The following ADGRL2 variants were observed in gnomAD, a reference collection of about 807,000 sequenced individuals.
ADGRL2 encodes the protein calcium-independent alpha-latrotoxin receptor 2.
A neutral mutation model predicts 157.4 loss-of-function variants in ADGRL2; 44 were observed. That is an observed-to-expected ratio of 0.28 (90% CI 0.22 to 0.36). ADGRL2 has a LOEUF of 0.36. ADGRL2 is among the 10% of genes least tolerant of loss of function. ADGRL2 has a pLI of 1.00. For missense variants in ADGRL2, 1,510 were observed against 1,768.9 expected (o/e 0.85, Z 2.63); for synonymous variants, 585 against 624.7 (o/e 0.94, Z 0.95).
chr1:81,640,810 C>T (rs188529653), intron 3 of ADGRL2, among the ~76,000 whole-genome samples: 35 of 152,200 alleles, frequency 2.3e-4, no homozygotes, highest in African/African-American at 8.2e-4. Flanking sequence ...AAATCAGGAA[C>T]TAGAGAGCAC....
intron 1 of ADGRL2, among the ~76,000 whole-genome samples, chr1:81,360,890 C>A (rs1329190217): frequency 6.6e-6 from 1 of 151,912 alleles, no homozygotes; most frequent in African/African-American, 2.4e-5. Context: ...ATTCCAAATA[C>A]ATTTTAATGC....
At chr1:81,640,456 A>G (rs1231705579) in intron 3 of ADGRL2, among the ~76,000 whole-genome samples, 1 of 151,826 alleles carries the variant, frequency 6.6e-6, no homozygotes, top group African/African-American at 2.4e-5. Context: ...AACATGGTGA[A>G]ACCTCCCCCT....
rs149154724 is a variant in ADGRL2, at chr1:81,655,310, T to A, written c.-143+74330T>A. ...CCACCGTGCCCGGCCTCATTCTGTA[T>A]TTTTAATATTACTACTAACACCCCC... is the stretch of plus-strand genomic sequence containing the variant. On this transcript the variant is annotated intron_variant, in intron 3 of 24. Coordinates refer to the ADGRL2 transcript ENST00000370721. 9.8e-3 allele frequency among the ~76,000 whole-genome samples: 1,497 copies of A among 152,306 alleles called. 27 individuals are homozygous for A. Among genetic ancestry groups the A allele is most frequent in the African/African-American group, 0.032 (1,350 of 41,560 alleles).
chr1:81,448,986 A>G (rs1020974261), intron 2 of ADGRL2, among the ~76,000 whole-genome samples: 1 of 152,240 alleles, frequency 6.6e-6, no homozygotes, highest in Non-Finnish European at 1.5e-5. Context: ...ACAAAAATAG[A>G]TATTAGTACC....
chr1:81,890,583 G>C (rs1432332174), intron 2 of ADGRL2, among the ~76,000 whole-genome samples: 3 of 152,058 alleles, frequency 2.0e-5, no homozygotes, highest in African/African-American at 7.2e-5. Context: ...TGGGAGAGGT[G>C]GGGATTAGGA....
rs1039246676 is a variant in ADGRL2, at chr1:81,621,095, G to A, written c.-143+40115G>A. On this transcript the variant is annotated intron_variant, in intron 3 of 24. Transcript: ENST00000370721. ...ATATATGTGGCTGTGTCCTTTTGTA[G>A]GTTTTTCTGACTTCTGGAAGCTGAA... Among the ~76,000 whole-genome samples the A allele has an allele frequency of 3.3e-5, 5 of 152,234 alleles. No individual in the cohort carries two copies. The East Asian group carries it at 9.6e-4, about 29-fold the overall frequency.
intron 1 of ADGRL2, among the ~76,000 whole-genome samples, chr1:81,391,291 G>C (rs954886019): frequency 6.6e-6 from 1 of 152,292 alleles, no homozygotes; most frequent in Non-Finnish European, 1.5e-5. Flanking sequence ...AGAGACTGCC[G>C]TGCTAACATC....
At chr1:81,978,083 A>T (rs1480122082) in intron 17 of ADGRL2, among the ~76,000 whole-genome samples, 1 of 151,638 alleles carries the variant, frequency 6.6e-6, no homozygotes, top group Admixed American at 6.6e-5. Flanking sequence ...AAATTAAAAA[A>T]AAAACACACT....
At chr1:81,809,617 C>T (rs2089604521) in intron 1 of ADGRL2, among the ~76,000 whole-genome samples, 1 of 151,912 alleles carries the variant, frequency 6.6e-6, no homozygotes, top group African/African-American at 2.4e-5. Context: ...AAGAAGGATG[C>T]ACCATGAGGT....
At chr1:81,461,657 C>T (rs1035565701) in intron 2 of ADGRL2, among the ~76,000 whole-genome samples, 7 of 152,168 alleles carry the variant, frequency 4.6e-5, no homozygotes, top group African/African-American at 7.2e-5. Context: ...AATATCTATA[C>T]ATACTTCAGA....
chr1:81,521,153 TA>T (rs1286645616), intron 2 of ADGRL2, among the ~76,000 whole-genome samples: 1 of 152,186 alleles, frequency 6.6e-6, no homozygotes, highest in Non-Finnish European at 1.5e-5. Flanking sequence ...GGGAAAAAAG[TA>T]AAGAACATGC....
At chr1:81,958,850 TG>T (rs980733842) in intron 11 of ADGRL2, among the ~76,000 whole-genome samples, 1 of 152,198 alleles carries the variant, frequency 6.6e-6, no homozygotes, top group African/African-American at 2.4e-5. Context: ...AGATTAGTTT[TG>T]CTTTTTCTAG....
At chr1:81,576,043 T>G (rs2080792133) in intron 2 of ADGRL2, among the ~76,000 whole-genome samples, 1 of 152,158 alleles carries the variant, frequency 6.6e-6, no homozygotes, top group South Asian at 2.1e-4. Context: ...TAAAAATTGA[T>G]GGAACTTATT....
chr1:81,402,504 C>T (rs2076774945), intron 1 of ADGRL2, among the ~76,000 whole-genome samples: 2 of 152,084 alleles, frequency 1.3e-5, no homozygotes, highest in Admixed American at 1.3e-4. Context: ...TTATTCTAAC[C>T]TATAGGTTCT....
At chr1:81,593,795 A>G (rs558604626) in intron 3 of ADGRL2, among the ~76,000 whole-genome samples, 1 of 152,282 alleles carries the variant, frequency 6.6e-6, no homozygotes, top group African/African-American at 2.4e-5. Flanking sequence ...CTAAGCAAAA[A>G]CCATTAAAAA....
chr1:81,635,003 A>C (rs984242878), intron 3 of ADGRL2, among the ~76,000 whole-genome samples: 2 of 152,136 alleles, frequency 1.3e-5, no homozygotes, highest in African/African-American at 4.8e-5. Context: ...GGTGCAACCT[A>C]GAAGTGCTGG....
At chr1:81,644,127 A>T (rs974323719) in intron 3 of ADGRL2, among the ~76,000 whole-genome samples, 1 of 152,228 alleles carries the variant, frequency 6.6e-6, no homozygotes, top group African/African-American at 2.4e-5. Context: ...ATATTGGAAG[A>T]AAGTCTTCTC....
At chr1:81,858,725 A>G (rs994023415) in intron 2 of ADGRL2, among the ~76,000 whole-genome samples, 1 of 152,134 alleles carries the variant, frequency 6.6e-6, no homozygotes, top group Non-Finnish European at 1.5e-5. Flanking sequence ...AAATGATAGC[A>G]AGTATAAAGG....
In ADGRL2 at chr1:81,755,148, T is replaced by TCA. The variant is rs377400172; in HGVS notation, c.-142-6663_-142-6662insCA. On this transcript the variant is annotated intron_variant, in intron 1 of 20. Coordinates refer to the ADGRL2 transcript ENST00000359929. The stretch of plus-strand genomic sequence containing the variant: ...TAGATTTAAAGATATATATATGTGT[T>TCA]TATATATATATATATATTTAAAGAT... 1.5e-4 allele frequency among the ~76,000 whole-genome samples: 21 copies of TCA among 143,752 alleles called. No individual in the cohort carries two copies. The East Asian group carries it at 4.1e-3, about 28-fold the overall frequency. The allele number at this position is 143,752 out of a possible 152,430, so 94.3% of individuals were successfully genotyped here.
Sources: allele counts gnomAD v4.1 joint callset (sites outside exome capture counted in the v4.1 genomes callset), GRCh38; gene constraint gnomAD v4.1.1; transcripts MANE v1.5; gene names NCBI Gene and HGNC (gene_info 2026-07-23, HGNC 2026-07-21).